ATP2B3: variants seen among roughly 807,000 people sequenced by gnomAD.
ATP2B3 encodes the protein ATPase plasma membrane Ca2+ transporting 3, also known as plasma membrane calcium-transporting ATPase 3.
In ATP2B3, 12 loss-of-function variants were observed where a neutral mutation model predicts 70.8. That is an observed-to-expected ratio of 0.17 (90% confidence interval 0.11 to 0.27). The LOEUF is 0.27. Among genes scored for constraint, ATP2B3 ranks in the 10% least tolerant of loss-of-function variants. ATP2B3 has a pLI of 1.00. For synonymous variants in ATP2B3, 460 were observed against 497.8 expected, an observed-to-expected ratio of 0.92 and a Z score of 1.01; for missense variants, 858 against 1,118.5, an observed-to-expected ratio of 0.77 and a Z score of 3.32.
chrX:153,529,722 AG>A (rs1300554147), intron 2 of ATP2B3, among the ~76,000 whole-genome samples: 6 of 110,465 alleles, frequency 5.4e-5, no homozygotes, highest in East Asian at 2.9e-4. Flanking sequence ...CCAACTCCCC[AG>A]CCCCCAGCCC....
rs1219758740 is a variant in ATP2B3 at position 153,553,231 on chromosome X, A to G, written c.2020A>G (p.Ile674Val). The G allele has an allele frequency of 1.7e-6, 2 of 1,207,495 alleles. No individual in the cohort carries two copies. Among genetic ancestry groups the G allele is most frequent in the Non-Finnish European group, 1.1e-6 (1 of 893,307 alleles). ...TGAGGTCGTGGGTGACCTCACCTGC[A>G]TAGCTGTCGTGGGCATTGAGGACCC... ...ENEVVGDLTCIAVVGIEDPVR... is the reference protein window; with the variant it reads ...ENEVVGDLTCVAVVGIEDPVR... The change falls in exon 13 of 22, where the codon ATA becomes GTA. Residue 674 changes from isoleucine to valine, a missense_variant. Physicochemically the swap from Ile to Val is conservative, Grantham distance 29. Around this residue, in one of 5 missense-constraint regions of ATP2B3, gnomAD observed 242 missense variants for 281.3 expected, o/e 0.86. Coordinates refer to ENST00000263519, the MANE Select transcript of ATP2B3 (RefSeq NM_001001344.3).
intron 13 of ATP2B3, among the ~76,000 whole-genome samples, chrX:153,553,531 C>T (rs886232677): frequency 1.8e-5 from 2 of 111,930 alleles, no homozygotes; most frequent in African/African-American, 3.2e-5. Context: ...GCGGAGAGAC[C>T]GTCGACATTT....
intron 7 of ATP2B3, 105 bp from the exon 8 acceptor site, chrX:153,545,980 TGAA>T (rs1285704386): frequency 3.7e-5 from 33 of 884,491 alleles, no homozygotes; most frequent in Non-Finnish European, 5.2e-5. Flanking sequence ...GGACGGGGCA[TGAA>T]GAAGGCCACC....
At position 153,580,152 on chromosome X, in the gene ATP2B3, G is replaced by GCCCCCCCCCCCCCCCCC; in HGVS notation, c.3524_3525insCCCCCCCCCCCCCCCCC (p.Ser1178ProfsTer15). ...GGACGAGAACGAGGAGCGCCTCCGG[G>GCCCCCCCCCCCCCCCCC]CCCCCCCGCCCCCGTCCCCCAACCA... On this transcript the variant is annotated frameshift_variant, in exon 22 of 22. Coordinates refer to ENST00000263519, the MANE Select transcript of ATP2B3 (RefSeq NM_001001344.3). LOFTEE classifies it high-confidence loss of function. 1 of 1,207,722 alleles carries GCCCCCCCCCCCCCCCCC rather than the reference G, an allele frequency of 8.3e-7. No homozygotes were observed. Among genetic ancestry groups the GCCCCCCCCCCCCCCCCC allele is most frequent in the Non-Finnish European group, 1.1e-6 (1 of 893,230 alleles).
Position 153,519,502 on chromosome X carries a change from G to A in ATP2B3, c.-127+951G>A, listed in dbSNP as rs186321262. 6.0e-3 allele frequency among the ~76,000 whole-genome samples: 665 copies of A among 110,070 alleles called. 6 individuals are homozygous for A. The highest frequency in any genetic ancestry group is 0.02 in the African/African-American group (619 of 30,255). On this transcript the variant is annotated intron_variant, in intron 2 of 21. Coordinates refer to ENST00000263519, the MANE Select transcript of ATP2B3 (RefSeq NM_001001344.3). ...GCCACTTTTCACAGATGAGGAAACC[G>A]AAGCCATGTGGCTCATTAAAGGGGC...
At chrX:153,529,876 T>G (rs1233026069) in intron 2 of ATP2B3, among the ~76,000 whole-genome samples, 4 of 112,437 alleles carry the variant, frequency 3.6e-5, no homozygotes, top group African/African-American at 1.3e-4. Context: ...GTCAGCCATG[T>G]TGAAGCCCGT....
At chrX:153,535,177 G>A (rs1390687573) in intron 2 of ATP2B3, among the ~76,000 whole-genome samples, 2 of 113,034 alleles carry the variant, frequency 1.8e-5, no homozygotes, top group Non-Finnish European at 3.8e-5. Context: ...GGGCCCTAGC[G>A]GATCCTTGGG....
At chrX:153,568,773 C>T (rs2090747266) in intron 21 of ATP2B3, among the ~76,000 whole-genome samples, 1 of 112,550 alleles carries the variant, frequency 8.9e-6, no homozygotes, top group African/African-American at 3.2e-5. Flanking sequence ...AAGCCCTGGC[C>T]CGTTTCAAGA....
At chrX:153,532,923 G>C (rs1012550542) in intron 2 of ATP2B3, 6 of 111,922 alleles carry the variant, frequency 5.4e-5, no homozygotes, top group Non-Finnish European at 1.1e-4. Flanking sequence ...TATGCCATTT[G>C]GTCTGCACAG....
Position 153,565,100 on chromosome X carries a change from G to A in ATP2B3, c.3339G>A (p.Thr1113=), listed in dbSNP as rs376632119. The change falls in exon 21 of 22, where the codon ACG becomes ACA. Residue 1113 remains threonine, a synonymous_variant. Transcript: ENST00000263519. The part of the protein sequence containing the change: ...LWFRGLNRIQ[T]QIRVVKAFRS... ...TCCGGGGCCTGAACCGGATTCAGAC[G>A]CAGGTAAGCCCCGACTCGCTCTCGC... 135 of 1,180,037 alleles carry A rather than the reference G, an allele frequency of 1.1e-4. 1 individual carries two copies. In the South Asian group the frequency reaches 2.1e-3, roughly 19 times the overall value.
chrX:153,520,595 T>C (rs1451976577), intron 2 of ATP2B3, among the ~76,000 whole-genome samples: 1 of 112,890 alleles, frequency 8.9e-6, no homozygotes, highest in Non-Finnish European at 1.9e-5. Flanking sequence ...GCCCACTTAA[T>C]TGAAACAACA....
intron 21 of ATP2B3, chrX:153,569,861 T>C: frequency 2.1e-6 from 2 of 943,351 alleles, no homozygotes; most frequent in Non-Finnish European, 3.0e-6. Context: ...CCGCTCACCG[T>C]GGCTTTTCTG....
intron 8 of ATP2B3, 35 bp from the exon 9 acceptor site, chrX:153,547,800 C>T: frequency 3.5e-6 from 4 of 1,150,039 alleles, no homozygotes; most frequent in Non-Finnish European, 4.6e-6. Flanking sequence ...CCCAGCCAGG[C>T]ACTGACCTTG....
rs907455337 is a variant in ATP2B3 at position 153,581,968 on chromosome X, A to G, written c.*1670A>G. On this transcript the variant is annotated 3_prime_UTR_variant, in exon 22 of 22. Coordinates refer to ENST00000263519, the MANE Select transcript of ATP2B3 (RefSeq NM_001001344.3). ...GCCCCTAGGTCCACACAGTGATGCCATGGGGGACCCTTGCCTTCCACACTT... is the reference window on the plus strand; with the variant it reads ...GCCCCTAGGTCCACACAGTGATGCCGTGGGGGACCCTTGCCTTCCACACTT... 1.9e-4 allele frequency: 21 copies of G among 112,527 alleles called. No homozygotes were observed. Among genetic ancestry groups the G allele is most frequent in the African/African-American group, 6.8e-4 (21 of 30,955 alleles). The allele number at this position is 112,527 out of a possible 1,213,427, so 9.3% of individuals were successfully genotyped here.
intron 15 of ATP2B3, among the ~76,000 whole-genome samples, chrX:153,556,630 C>T (rs188875626): frequency 1.8e-5 from 2 of 112,254 alleles, no homozygotes; most frequent in East Asian, 5.6e-4. Flanking sequence ...CACAGTGAGT[C>T]TCTAGAAGCA....
rs781799195 is a variant in ATP2B3, at chrX:153,548,707, G to A, written c.1191G>A (p.Val397=). Residue 397 remains valine, a synonymous_variant, in exon 10 of 22, where the codon GTG becomes GTA. Coordinates refer to ENST00000263519, the MANE Select transcript of ATP2B3 (RefSeq NM_001001344.3). ...ACTTTGTGATTGAGACGTTTGTCGT[G>A]GAAGGCCGGACATGGCTGGCAGAGT... ...VLYFVIETFV[V]EGRTWLAECT... is the part of the protein sequence containing the mutation. 46 of 1,209,529 alleles carry A rather than the reference G, an allele frequency of 3.8e-5. No individual in the cohort carries two copies. Among genetic ancestry groups the A allele is most frequent in the Non-Finnish European group, 4.9e-5 (44 of 895,133 alleles).
chrX:153,536,954 C>T (rs2124384685), intron 3 of ATP2B3, among the ~76,000 whole-genome samples: 1 of 112,240 alleles, frequency 8.9e-6, no homozygotes, highest in South Asian at 3.7e-4. Flanking sequence ...CCATTTGGGT[C>T]TGGCAGGAAG....
intron 19 of ATP2B3, 54 bp from the exon 20 acceptor site, chrX:153,562,081 G>C: frequency 9.1e-7 from 1 of 1,104,489 alleles, no homozygotes; most frequent in Non-Finnish European, 1.3e-6. Context: ...TGGAGGACAA[G>C]GGTGGCTCAG....
chrX:153,524,827 T>C lies in ATP2B3; in HGVS notation c.-127+6276T>C, dbSNP rs781925139. Among the ~76,000 whole-genome samples, 8 of 112,052 alleles carry C rather than the reference T, an allele frequency of 7.1e-5. No homozygotes were observed. In the South Asian group the frequency reaches 3.0e-3, roughly 42 times the overall value. ...TCCTAAAGCTTGCTTCTCTGTCCAG[T>C]GGACTTCAGAACCACTTTGTCAAGA... On this transcript the variant is annotated intron_variant, in intron 2 of 21. Coordinates refer to ENST00000263519, the MANE Select transcript of ATP2B3 (RefSeq NM_001001344.3).
Sources: gnomAD v4.1 joint callset for allele counts (sites outside exome capture counted in the v4.1 genomes callset) on GRCh38, gnomAD v4.1.1 for gene constraint, gnomAD v4.1.1 regional missense constraint, MANE v1.5 for transcripts, NCBI Gene and HGNC (gene_info 2026-07-23, HGNC 2026-07-21) for gene names.